Variants in STK39 observed in about 807,000 individuals in gnomAD.
The protein encoded by STK39 is serine/threonine kinase 39.
STK39 carries 20 observed loss-of-function variants against 77.8 expected under a neutral mutation model. That is an observed-to-expected ratio of 0.26 (90% CI 0.18 to 0.37). STK39 has a LOEUF of 0.37. Among genes scored for constraint, STK39 ranks in the 10% least tolerant of loss-of-function variants. STK39 has a pLI of 1.00. For synonymous variants in STK39, 246 were observed against 234.1 expected, an observed-to-expected ratio of 1.05 and a Z score of -0.47; for missense variants, 479 against 656.5, an observed-to-expected ratio of 0.73 and a Z score of 2.95.
At chr2:168,105,936 A>C (rs1424240258) in intron 10 of STK39, among the ~76,000 whole-genome samples, 2 of 152,264 alleles carry the variant, frequency 1.3e-5, no homozygotes, top group Admixed American at 1.3e-4. Flanking sequence ...CCTAGTGTAC[A>C]AACCCTGAAA....
chr2:167,978,165 T>G (rs1683329923), intron 16 of STK39, among the ~76,000 whole-genome samples: 1 of 152,212 alleles, frequency 6.6e-6, no homozygotes, highest in Non-Finnish European at 1.5e-5. Flanking sequence ...AGGAGCATTT[T>G]GGGGTGGTTC....
intron 1 of STK39, among the ~76,000 whole-genome samples, chr2:168,242,885 C>A (rs1690804783): frequency 1.8e-5 from 2 of 112,956 alleles, no homozygotes; most frequent in East Asian, 2.1e-4. Context: ...AGAGTGAGAC[C>A]CTTTATCAAA....
chr2:168,128,725 A>C (rs1687607532), intron 10 of STK39, among the ~76,000 whole-genome samples: 1 of 152,256 alleles, frequency 6.6e-6, no homozygotes, highest in South Asian at 2.1e-4. Flanking sequence ...GCAAGATGAG[A>C]TACAATCCCT....
chr2:168,077,522 G>T (rs1343604068), intron 10 of STK39, among the ~76,000 whole-genome samples: 1 of 152,136 alleles, frequency 6.6e-6, no homozygotes, highest in East Asian at 1.9e-4. Context: ...GGGCCTTTAA[G>T]CAATAAACAT....
At chr2:168,105,974 T>C (rs1686959995) in intron 10 of STK39, among the ~76,000 whole-genome samples, 1 of 152,216 alleles carries the variant, frequency 6.6e-6, no homozygotes, top group Non-Finnish European at 1.5e-5. Flanking sequence ...CTCCTACATA[T>C]ACATTTTGAA....
At chr2:168,042,335 T>C (rs1685126652) in intron 14 of STK39, among the ~76,000 whole-genome samples, 1 of 152,218 alleles carries the variant, frequency 6.6e-6, no homozygotes, top group Non-Finnish European at 1.5e-5. Flanking sequence ...TAAATATTTC[T>C]AGGGTATCTC....
chr2:168,062,630 C>T (rs1176739178), intron 14 of STK39, among the ~76,000 whole-genome samples: 3 of 152,140 alleles, frequency 2.0e-5, no homozygotes, highest in Admixed American at 2.0e-4. Flanking sequence ...TAAGGATGAG[C>T]CCACTTTTTG....
chr2:168,055,195 A>G lies in STK39; in HGVS notation c.1376+8305T>C, dbSNP rs186679493. Among the ~76,000 whole-genome samples, 23 of 152,340 alleles carry G rather than the reference A, an allele frequency of 1.5e-4. No homozygotes were observed. In the East Asian group the frequency reaches 4.4e-3, roughly 29 times the overall value. On this transcript the variant is annotated intron_variant, in intron 14 of 17. Transcript: ENST00000355999. ...CCTCCCAGCCACTTGACCGGTAAGA[A>G]TTATACAAATAACCCTATTTTATAG...
intron 12 of STK39, among the ~76,000 whole-genome samples, chr2:168,068,573 T>C (rs930545393): frequency 3.3e-5 from 5 of 152,064 alleles, no homozygotes; most frequent in Admixed American, 1.3e-4. Context: ...GTGGGGGAGA[T>C]TGCATGAGGA....
At chr2:168,228,736 C>T (rs540448656) in intron 1 of STK39, among the ~76,000 whole-genome samples, 11 of 152,236 alleles carry the variant, frequency 7.2e-5, no homozygotes, top group African/African-American at 2.4e-4. Flanking sequence ...TTGCAGTGAG[C>T]CGAGATTGCG....
intron 1 of STK39, 103 bp from the exon 2 acceptor site, chr2:168,182,193 A>G (rs1019535742): frequency 2.9e-5 from 23 of 804,230 alleles, no homozygotes; most frequent in Non-Finnish European, 4.5e-5. Context: ...TCTTCTACTC[A>G]GCGTATTCAG....
intron 16 of STK39, among the ~76,000 whole-genome samples, chr2:167,970,784 T>C (rs1185603540): frequency 6.6e-6 from 1 of 152,256 alleles, no homozygotes; most frequent in East Asian, 1.9e-4. Flanking sequence ...AGTCATACAC[T>C]GCTGAGTGTT....
At chr2:168,108,663 C>T (rs1687044489) in intron 10 of STK39, among the ~76,000 whole-genome samples, 2 of 152,258 alleles carry the variant, frequency 1.3e-5, no homozygotes, top group South Asian at 4.1e-4. Context: ...CTTCAGCAGG[C>T]CTCTTGTTTG....
chr2:168,241,522 T>C (rs1055381305), intron 1 of STK39, among the ~76,000 whole-genome samples: 2 of 152,146 alleles, frequency 1.3e-5, no homozygotes, highest in African/African-American at 2.4e-5. Context: ...GTCTCTTCAG[T>C]TTCCTCCCAC....
intron 16 of STK39, among the ~76,000 whole-genome samples, chr2:168,007,015 G>A (rs1447380582): frequency 1.3e-5 from 2 of 152,154 alleles, no homozygotes; most frequent in African/African-American, 4.8e-5. Context: ...AACATTCACT[G>A]CTCCATAACA....
intron 16 of STK39, among the ~76,000 whole-genome samples, chr2:167,979,573 G>A (rs2105264861): frequency 6.6e-6 from 1 of 152,252 alleles, no homozygotes; most frequent in Admixed American, 6.5e-5. Context: ...GTTTTTATTA[G>A]GAAAACACAG....
chr2:167,991,859 T>G (rs1683707998), intron 16 of STK39, among the ~76,000 whole-genome samples: 1 of 152,216 alleles, frequency 6.6e-6, no homozygotes, highest in Admixed American at 6.5e-5. Context: ...TGAATTCTTC[T>G]GCTGTTCCAA....
intron 16 of STK39, among the ~76,000 whole-genome samples, chr2:168,004,699 C>T (rs1684081863): frequency 6.8e-6 from 1 of 146,070 alleles, no homozygotes; most frequent in South Asian, 2.2e-4. Flanking sequence ...CACCATTGCA[C>T]TCTAGCCTGG....
chr2:168,194,508 A>AT (rs1559141170), intron 1 of STK39, among the ~76,000 whole-genome samples: 1 of 152,172 alleles, frequency 6.6e-6, no homozygotes, highest in Non-Finnish European at 1.5e-5. Context: ...TTATTATTTG[A>AT]TTTTTTGGGT....
Sources: allele counts gnomAD v4.1 joint callset (sites outside exome capture counted in the v4.1 genomes callset), GRCh38; gene constraint gnomAD v4.1.1; transcripts MANE v1.5; gene names NCBI Gene and HGNC (gene_info 2026-07-23, HGNC 2026-07-21).